The following SLC66A3 variants were observed in gnomAD, a reference collection of about 807,000 sequenced individuals.
SLC66A3 encodes the protein solute carrier family 66 member 3, also known as PQ loop repeat containing 3.
In SLC66A3, 23 loss-of-function variants were observed where a neutral mutation model predicts 25.5. The observed-to-expected ratio is 0.90, with a 90% CI of 0.65 to 1.28. SLC66A3 has a LOEUF of 1.28. SLC66A3 is among the 50% of genes most tolerant of loss of function. The pLI, the probability that SLC66A3 is intolerant of heterozygous loss-of-function variation, is 0.00. For missense variants in SLC66A3, 246 were observed against 262.1 expected (o/e 0.94, Z 0.42); for synonymous variants, 108 against 112.6 (o/e 0.96, Z 0.26).
intron 3 of SLC66A3, among the ~76,000 whole-genome samples, chr2:11,162,903 G>A (rs2147987710): frequency 6.6e-6 from 1 of 152,320 alleles, no homozygotes; most frequent in Admixed American, 6.5e-5. Context: ...ACCGTGCCCG[G>A]CCTAATGAAT....
At chr2:11,161,620 G>A (rs369047165) in intron 3 of SLC66A3, among the ~76,000 whole-genome samples, 1 of 152,142 alleles carries the variant, frequency 6.6e-6, no homozygotes, top group East Asian at 1.9e-4. Context: ...CTGGGGCCAA[G>A]GAATCTTCCC....
intron 5 of SLC66A3, among the ~76,000 whole-genome samples, chr2:11,174,024 G>A (rs754710333): frequency 6.6e-6 from 1 of 151,978 alleles, no homozygotes; most frequent in Non-Finnish European, 1.5e-5. Context: ...GCATGATCTC[G>A]GCTCACTGCA....
At chr2:11,166,819 C>A (rs542086605) in intron 4 of SLC66A3, among the ~76,000 whole-genome samples, 2 of 152,160 alleles carry the variant, frequency 1.3e-5, no homozygotes, top group Admixed American at 6.5e-5. Flanking sequence ...CGCTTCAACC[C>A]CGGAGGCGGA....
Position 11,178,697 on chromosome 2 carries a change from G to C in SLC66A3, c.*869G>C, listed in dbSNP as rs1662858325. Reference sequence around the variant, plus strand: ...ATTATAGCATTTTTACCCTAAACATGATGTTGAGATTATTATATACTGTAT... The same window carrying C: ...ATTATAGCATTTTTACCCTAAACATCATGTTGAGATTATTATATACTGTAT... On this transcript the variant is annotated 3_prime_UTR_variant, in exon 7 of 7. Coordinates refer to ENST00000295083, the MANE Select transcript of SLC66A3 (RefSeq NM_152391.5). The C allele has an allele frequency of 6.6e-6, 1 of 152,182 alleles. No homozygotes were observed. The highest frequency in any genetic ancestry group is 2.1e-4 in the South Asian group (1 of 4,824). The allele number at this position is 152,182 out of a possible 1,614,324, so 9.4% of individuals were successfully genotyped here.
chr2:11,159,160 C>T lies in SLC66A3; in HGVS notation c.144-1306C>T, dbSNP rs116809420. ...CCCAGGGGTCAGCACACACTTACTT[C>T]GATGGTGAAGACCCCCATAGCTTTT... On this transcript the variant is annotated intron_variant, in intron 1 of 6. Coordinates refer to ENST00000295083, the MANE Select transcript of SLC66A3 (RefSeq NM_152391.5). 3.8e-3 allele frequency among the ~76,000 whole-genome samples: 578 copies of T among 152,320 alleles called. 2 individuals carry two copies. Among genetic ancestry groups the T allele is most frequent in the African/African-American group, 0.012 (498 of 41,574 alleles).
intron 1 of SLC66A3, among the ~76,000 whole-genome samples, chr2:11,157,632 A>G (rs771854583): frequency 5.3e-5 from 8 of 152,264 alleles, no homozygotes; most frequent in Non-Finnish European, 8.8e-5. Flanking sequence ...CCTGGAGGGC[A>G]CGGGCCCTCT....
intron 4 of SLC66A3, among the ~76,000 whole-genome samples, chr2:11,169,414 G>T (rs1662465585): frequency 6.6e-6 from 1 of 152,130 alleles, no homozygotes; most frequent in African/African-American, 2.4e-5. Flanking sequence ...TCTTGTCAAG[G>T]CCAGCGGCTT....
chr2:11,170,749 C>T (rs1662521644), intron 4 of SLC66A3, among the ~76,000 whole-genome samples: 1 of 151,886 alleles, frequency 6.6e-6, no homozygotes, highest in African/African-American at 2.4e-5. Context: ...CCACTACACC[C>T]AGCTAATTTT....
At chr2:11,159,290 G>GGCT (rs1662028225) in intron 1 of SLC66A3, among the ~76,000 whole-genome samples, 1 of 152,132 alleles carries the variant, frequency 6.6e-6, no homozygotes, top group South Asian at 2.1e-4. Flanking sequence ...GAACAGAGGG[G>GGCT]GCTGCTCAGG....
chr2:11,174,520 G>A (rs897191826), intron 5 of SLC66A3, among the ~76,000 whole-genome samples: 1 of 151,980 alleles, frequency 6.6e-6, no homozygotes, highest in African/African-American at 2.4e-5. Flanking sequence ...TTTTTGAGAC[G>A]GAGTCTGGCT....
At chr2:11,155,902 C>T (rs892283209) in intron 1 of SLC66A3, among the ~76,000 whole-genome samples, 3 of 152,228 alleles carry the variant, frequency 2.0e-5, no homozygotes, top group Non-Finnish European at 4.4e-5. Flanking sequence ...TCACCAAGCC[C>T]CGCGTGGCAC....
intron 1 of SLC66A3, among the ~76,000 whole-genome samples, chr2:11,156,610 A>T (rs1048619749): frequency 3.8e-4 from 58 of 151,726 alleles, no homozygotes; most frequent in Admixed American, 2.8e-3. Context: ...CAGGTGTGGG[A>T]GGGTGAGGGG....
At chr2:11,167,634 T>C (rs1316208302) in intron 4 of SLC66A3, among the ~76,000 whole-genome samples, 1 of 152,212 alleles carries the variant, frequency 6.6e-6, no homozygotes, top group Non-Finnish European at 1.5e-5. Context: ...GTGCTGTGTC[T>C]GCCCATAGCC....
At chr2:11,168,060 C>G (rs903315859) in intron 4 of SLC66A3, among the ~76,000 whole-genome samples, 18 of 152,228 alleles carry the variant, frequency 1.2e-4, no homozygotes, top group Middle Eastern at 3.4e-3. Context: ...ACGGGCGGAT[C>G]ACAAGGTCAG....
chr2:11,163,772 G>T (rs1662207959), intron 3 of SLC66A3, among the ~76,000 whole-genome samples: 1 of 152,208 alleles, frequency 6.6e-6, no homozygotes, highest in African/African-American at 2.4e-5. Context: ...TGGAGTTTGT[G>T]GGGAAAGGTG....
chr2:11,164,287 T>A (rs1428576756), intron 4 of SLC66A3, 26 bp downstream of exon 4: 4 of 1,293,228 alleles, frequency 3.1e-6, no homozygotes, highest in Non-Finnish European at 4.2e-6. Flanking sequence ...GAAAAGAAAG[T>A]AGGAGGAATA....
At chr2:11,161,144 C>T (rs2147985430) in intron 3 of SLC66A3, among the ~76,000 whole-genome samples, 1 of 152,318 alleles carries the variant, frequency 6.6e-6, no homozygotes, top group African/African-American at 2.4e-5. Context: ...GCCTGGTCAG[C>T]TCAGAGACCT....
At chr2:11,164,915 G>T (rs1056252370) in intron 4 of SLC66A3, among the ~76,000 whole-genome samples, 5 of 152,202 alleles carry the variant, frequency 3.3e-5, no homozygotes, top group Admixed American at 3.3e-4. Flanking sequence ...AGAACAAAAT[G>T]GAGTCTCCCA....
intron 4 of SLC66A3, among the ~76,000 whole-genome samples, chr2:11,167,215 C>T (rs1041787495): frequency 6.6e-6 from 1 of 152,172 alleles, no homozygotes. Flanking sequence ...GAGGCCGAGG[C>T]GTGCAGATCA....
Sources: allele counts gnomAD v4.1 joint callset (sites outside exome capture counted in the v4.1 genomes callset), GRCh38; gene constraint gnomAD v4.1.1; transcripts MANE v1.5; gene names NCBI Gene and HGNC (gene_info 2026-07-23, HGNC 2026-07-21).